Variants in NFIC observed in about 807,000 individuals in gnomAD.
NFIC encodes nuclear factor 1 C-type.
In NFIC, 12 loss-of-function variants were observed where a neutral mutation model predicts 54.4. That is an observed-to-expected ratio of 0.22 (90% confidence interval 0.14 to 0.36). The LOEUF (loss-of-function observed/expected upper bound fraction) is 0.36. Among genes scored for constraint, NFIC ranks in the 10% least tolerant of loss-of-function variants. The pLI is 1.00. For synonymous variants in NFIC, 322 were observed against 319.2 expected, an observed-to-expected ratio of 1.01 and a Z score of -0.09; for missense variants, 575 against 718.2, an observed-to-expected ratio of 0.80 and a Z score of 2.28.
At chr19:3,388,844 T>TA (rs397734777) in intron 2 of NFIC, among the ~76,000 whole-genome samples, 4 of 146,210 alleles carry the variant, frequency 2.7e-5, no homozygotes, top group Admixed American at 1.4e-4. Context: ...CCGTTTTTTT[T>TA]AAGGGGTGAT....
At position 3,435,186 on chromosome 19, in the gene NFIC, T is replaced by C. The variant is rs1767097780; in HGVS notation, c.937T>C (p.Trp313Arg). The C allele has an allele frequency of 6.2e-7, 1 of 1,604,840 alleles. No homozygotes were observed. The highest frequency in any genetic ancestry group is 1.3e-5 in the African/African-American group (1 of 74,844). Reference sequence around the variant, plus strand: ...CTCGCCCACGAGTAGCAGCCGCAACTGGACGGAGGACATGGAAGGAGGTAG... The same window carrying C: ...CTCGCCCACGAGTAGCAGCCGCAACCGGACGGAGGACATGGAAGGAGGTAG... Reference protein sequence around the residue: ...PSSPTSSSRNWTEDMEGGISS... With the variant: ...PSSPTSSSRNRTEDMEGGISS... The change falls in exon 6 of 11, where the codon TGG (tryptophan) becomes CGG (arginine). Residue 313 changes from tryptophan (W) to arginine (R), a missense_variant. Physicochemically the swap from Trp to Arg is moderately radical, Grantham distance 101. This residue lies in a region of NFIC where 447 missense variants were observed against 526.9 expected (regional missense o/e 0.85). Transcript: ENST00000443272.
rs1401343720 is a variant in NFIC at position 3,465,453 on chromosome 19, A to G, written c.*2684A>G. On this transcript the variant is annotated 3_prime_UTR_variant, in exon 11 of 11. Transcript: ENST00000443272. ...TCTAAAAAAAAAAAAAAAAAAAAAA[A>G]AGGAAGAAAAACCACGCTAAAAATC... The G allele has an allele frequency of 7.2e-6, 1 of 138,922 alleles. No homozygotes were observed. The highest frequency in any genetic ancestry group is 1.5e-5 in the Non-Finnish European group (1 of 65,920). 8.6% of individuals were successfully genotyped at this position (138,922 alleles called of 1,614,324 possible).
Position 3,468,673 on chromosome 19 carries a change from G to GCACC in NFIC, c.*5904_*5905insCACC, listed in dbSNP as rs2082749107. The GCACC allele has an allele frequency of 1.3e-5, 2 of 151,912 alleles. No individual in the cohort carries two copies. The highest frequency in any genetic ancestry group is 4.8e-5 in the African/African-American group (2 of 41,352). The allele number at this position is 151,912 out of a possible 1,614,324, so 9.4% of individuals were successfully genotyped here. ...TTTTTCTCCCCTTTACTCTTTGGGTGGTGTTGCTTTTCCTTTCCTTTTCCC... is the reference window on the plus strand; with the variant it reads ...TTTTTCTCCCCTTTACTCTTTGGGTGCACCGTGTTGCTTTTCCTTTCCTTTTCCC... On this transcript the variant is annotated 3_prime_UTR_variant, in exon 11 of 11. Coordinates refer to ENST00000443272, the MANE Select transcript of NFIC (RefSeq NM_001245002.2).
In NFIC at chr19:3,381,882, G is replaced by A; in HGVS notation, c.201G>A (p.Glu67=). The A allele has an allele frequency of 6.2e-7, 1 of 1,613,984 alleles. No homozygotes were observed. Among genetic ancestry groups the A allele is most frequent in the East Asian group, 2.2e-5 (1 of 44,876 alleles). Residue 67 remains glutamate, a synonymous_variant, in exon 2 of 11, where the codon GAG becomes GAA. Transcript: ENST00000443272. The stretch of plus-strand genomic sequence containing the variant: ...ACGAGCTGCTGGGCGAGAAGCCCGA[G>A]GTCAAGCAGAAGTGGGCGTCGCGGC... ...VKDELLGEKP[E]VKQKWASRLL... is the part of the protein sequence containing the mutation.
chr19:3,374,822 C>A (rs570589080), intron 1 of NFIC, among the ~76,000 whole-genome samples: 9 of 152,256 alleles, frequency 5.9e-5, no homozygotes, highest in Middle Eastern at 3.4e-3. Flanking sequence ...TGACAACCGG[C>A]CAACCAGGCC....
At chr19:3,449,229 A>G (rs1568193482) in intron 7 of NFIC, 90 bp downstream of exon 7, 2 of 1,510,188 alleles carry the variant, frequency 1.3e-6, no homozygotes, top group Non-Finnish European at 1.8e-6. Context: ...ATGTCTGACC[A>G]TGAGTCCTAT....
chr19:3,387,904 C>T (rs981712257), intron 2 of NFIC, among the ~76,000 whole-genome samples: 6 of 152,110 alleles, frequency 3.9e-5, no homozygotes, highest in Admixed American at 1.3e-4. Flanking sequence ...GCTGTCTGCC[C>T]GCCCAGGGCC....
chr19:3,423,496 G>A (rs561333010), intron 2 of NFIC, among the ~76,000 whole-genome samples: 1 of 151,586 alleles, frequency 6.6e-6, no homozygotes, highest in African/African-American at 2.4e-5. Flanking sequence ...TGCCACCTTC[G>A]TCTTTGACCT....
chr19:3,420,761 G>T (rs141496601), intron 2 of NFIC, among the ~76,000 whole-genome samples: 1 of 150,714 alleles, frequency 6.6e-6, no homozygotes, highest in Non-Finnish European at 1.5e-5. Context: ...TCACTCTGTC[G>T]CCCAGACTAG....
intron 6 of NFIC, among the ~76,000 whole-genome samples, chr19:3,438,598 C>T (rs1333038196): frequency 3.3e-5 from 5 of 152,178 alleles, no homozygotes; most frequent in African/African-American, 9.6e-5. Context: ...CTACCACGCC[C>T]GGCTAATTTT....
At chr19:3,408,644 C>T (rs943153587) in intron 2 of NFIC, among the ~76,000 whole-genome samples, 11 of 152,158 alleles carry the variant, frequency 7.2e-5, no homozygotes, top group East Asian at 1.9e-4. Flanking sequence ...ATTTTTGAGA[C>T]GGAGTCTCAC....
rs566429948 is a variant in NFIC at position 3,424,960 on chromosome 19, C to A, written c.563-146C>A. ...CCAAGGGAAGGGCCCAAAGAGAGAC[C>A]CCAGGGCCTGGGTGTGTTTTGGGGC... On this transcript the variant is annotated intron_variant, in intron 2 of 10. Coordinates refer to ENST00000443272, the MANE Select transcript of NFIC (RefSeq NM_001245002.2). The A allele has an allele frequency of 2.8e-5, 22 of 775,962 alleles. No homozygotes were observed. In the South Asian group the frequency reaches 3.2e-4, roughly 11 times the overall value. The allele number at this position is 775,962 out of a possible 1,614,324, so 48.1% of individuals were successfully genotyped here.
At chr19:3,396,524 C>A (rs554596226) in intron 2 of NFIC, among the ~76,000 whole-genome samples, 1 of 151,786 alleles carries the variant, frequency 6.6e-6, no homozygotes, top group Non-Finnish European at 1.5e-5. Flanking sequence ...TATGGGGCCT[C>A]GGGCACACCC....
intron 6 of NFIC, among the ~76,000 whole-genome samples, chr19:3,438,577 A>G (rs1415209337): frequency 2.0e-5 from 3 of 151,966 alleles, no homozygotes; most frequent in African/African-American, 4.8e-5. Flanking sequence ...AGCTGGGACT[A>G]CAGGCACCCA....
chr19:3,377,333 CAAAAAAAA>C (rs71164684), intron 1 of NFIC, among the ~76,000 whole-genome samples: 3 of 57,862 alleles, frequency 5.2e-5, no homozygotes, highest in South Asian at 1.1e-3. Context: ...GACTCTGTCT[CAAAAAAAA>C]AAAAAAAAAA....
chr19:3,440,055 G>A (rs988081758), intron 6 of NFIC, among the ~76,000 whole-genome samples: 2 of 152,148 alleles, frequency 1.3e-5, no homozygotes, highest in South Asian at 2.1e-4. Context: ...CACCTGGGGC[G>A]TGAGAGCCGG....
chr19:3,388,620 C>T (rs990089868), intron 2 of NFIC, among the ~76,000 whole-genome samples: 2 of 150,970 alleles, frequency 1.3e-5, no homozygotes, highest in Non-Finnish European at 3.0e-5. Flanking sequence ...GCCAGGAGTT[C>T]GAGACCAGCC....
intron 6 of NFIC, among the ~76,000 whole-genome samples, chr19:3,441,306 G>A (rs1197905343): frequency 6.6e-6 from 1 of 152,226 alleles, no homozygotes; most frequent in Non-Finnish European, 1.5e-5. Flanking sequence ...CCCCACTCAG[G>A]GTACCTCGCT....
intron 3 of NFIC, among the ~76,000 whole-genome samples, chr19:3,431,031 G>T (rs1036450752): frequency 6.6e-6 from 1 of 151,876 alleles, no homozygotes; most frequent in Non-Finnish European, 1.5e-5. Flanking sequence ...TGTCCTCAAG[G>T]TGCATCCATG....
Sources: allele counts gnomAD v4.1 joint callset (sites outside exome capture counted in the v4.1 genomes callset), GRCh38; gene constraint gnomAD v4.1.1; regional missense constraint gnomAD v4.1.1; transcripts MANE v1.5; gene names NCBI Gene and HGNC (gene_info 2026-07-23, HGNC 2026-07-21).